Variants in MOK observed in about 807,000 individuals in gnomAD.
The protein encoded by MOK is MOK protein kinase, also known as MAPK/MAK/MRK overlapping kinase.
Under a neutral mutation model 54.2 loss-of-function variants are expected in MOK, and 59 were observed. The observed-to-expected ratio is 1.09, with a 90% CI of 0.88 to 1.35. The LOEUF is 1.35. Ranked by LOEUF, MOK falls within the 40% of genes most tolerant of loss-of-function variation. The probability of loss-of-function intolerance (pLI) is 0.00; values close to 1 mark genes in which losing one functional copy is unlikely to be tolerated. For synonymous variants in MOK, 210 were observed against 202.7 expected (o/e 1.04, Z -0.31); for missense variants, 517 against 526.2 (o/e 0.98, Z 0.17).
intron 7 of MOK, among the ~76,000 whole-genome samples, chr14:102,239,638 A>C (rs1445392323): frequency 6.6e-6 from 1 of 152,218 alleles, no homozygotes; most frequent in African/African-American, 2.4e-5. Context: ...TGGGAGGCCA[A>C]GCCTGGTGAA....
chr14:102,253,593 G>C (rs923453919), intron 4 of MOK, among the ~76,000 whole-genome samples: 4 of 152,160 alleles, frequency 2.6e-5, no homozygotes, highest in Non-Finnish European at 4.4e-5. Context: ...GCCGTTTAGC[G>C]TGGCTGGCAC....
intron 7 of MOK, among the ~76,000 whole-genome samples, chr14:102,242,727 G>A (rs2065813631): frequency 1.3e-5 from 2 of 152,122 alleles, no homozygotes; most frequent in Admixed American, 1.3e-4. Flanking sequence ...AACCGGACAA[G>A]TCTTACAAGT....
chr14:102,232,112 C>T lies in MOK; in HGVS notation c.867-291G>A, dbSNP rs2064783090. On this transcript the variant is annotated intron_variant, in intron 9 of 11. Coordinates refer to ENST00000361847, the MANE Select transcript of MOK (RefSeq NM_014226.3). The surrounding 1 kb of genome is among the most constrained non-coding windows in gnomAD (Gnocchi z 5.1). ...AGGCAAACAGGAGTGTCCAGAGGTC[C>T]GGAATTAGGTGACCTCAGGGCAGAC... is the stretch of plus-strand genomic sequence containing the variant. 2 of 384,372 alleles carry T rather than the reference C, an allele frequency of 5.2e-6. No homozygotes were observed. The highest frequency in any genetic ancestry group is 6.3e-5 in the South Asian group (1 of 15,808). 23.8% of individuals were successfully genotyped at this position (384,372 alleles called of 1,614,324 possible). A position where few individuals can be genotyped will look rare whatever the true frequency, so the allele number is the denominator to read the frequency against.
intron 1 of MOK, among the ~76,000 whole-genome samples, chr14:102,295,953 T>C (rs952045806): frequency 4.6e-5 from 7 of 152,086 alleles, no homozygotes; most frequent in Admixed American, 2.0e-4. Flanking sequence ...CTGGTCAACA[T>C]AGCAACACCT....
chr14:102,248,777 C>CA (rs1228394075), intron 7 of MOK, among the ~76,000 whole-genome samples: 6,673 of 48,212 alleles, frequency 0.14, 324 homozygotes, highest in Non-Finnish European at 0.17. Context: ...GACTCCGTCT[C>CA]AAAAAAAAAA....
chr14:102,300,307 G>A lies in MOK; in HGVS notation c.7+4655C>T, dbSNP rs550098621. On this transcript the variant is annotated intron_variant, in intron 1 of 11. Transcript: ENST00000361847. ...CCATTGGACTCCAGCCTAGGCAACA[G>A]GGCAAAACTCTATCTCAAAAAAAAA... is the stretch of plus-strand genomic sequence containing the variant. Among the ~76,000 whole-genome samples the A allele has an allele frequency of 2.0e-4, 29 of 143,494 alleles. No homozygotes were observed. In the South Asian group the frequency reaches 5.7e-3, roughly 28 times the overall value. 94.1% of individuals were successfully genotyped at this position (143,494 alleles called of 152,430 possible).
In MOK at chr14:102,239,216, G is replaced by A. The variant is rs372541264; in HGVS notation, c.591-5427C>T. The stretch of plus-strand genomic sequence containing the variant: ...TCGACCCCAATCATCAGGAAAAGTC[G>A]AAAGGGCAAATGGAAACCTTAACAC... On this transcript the variant is annotated intron_variant, in intron 7 of 11. Coordinates refer to ENST00000361847, the MANE Select transcript of MOK (RefSeq NM_014226.3). Among the ~76,000 whole-genome samples the A allele has an allele frequency of 7.9e-5, 12 of 152,164 alleles. 1 individual carries two copies. Among genetic ancestry groups the A allele is most frequent in the East Asian group, 1.9e-4 (1 of 5,184 alleles).
At chr14:102,226,399 G>A (rs764313985), downstream of MOK, 4 of 703,096 alleles carry the variant, frequency 5.7e-6, no homozygotes, top group Non-Finnish European at 7.8e-6. The surrounding 1 kb of genome is among the most constrained non-coding windows in gnomAD (Gnocchi z 4.8). Context: ...CCTCGCTTCC[G>A]TTCTGGGTTC....
chr14:102,242,094 C>G (rs1053001224), intron 7 of MOK, among the ~76,000 whole-genome samples: 11 of 152,284 alleles, frequency 7.2e-5, no homozygotes, highest in Middle Eastern at 3.4e-3. Context: ...TTGGCTTTAG[C>G]GGCTGAAGAC....
chr14:102,261,570 G>A (rs759690313), intron 4 of MOK, among the ~76,000 whole-genome samples: 5 of 149,246 alleles, frequency 3.4e-5, no homozygotes, highest in Non-Finnish European at 3.0e-5. Context: ...GTCTCACTGC[G>A]ATGTCCAGGC....
At chr14:102,281,425 G>A (rs552917820) in intron 2 of MOK, among the ~76,000 whole-genome samples, 84 of 150,464 alleles carry the variant, frequency 5.6e-4, no homozygotes, top group African/African-American at 2.0e-3. Context: ...CTTGAGCCCT[G>A]GAAGCAGAGG....
intron 7 of MOK, among the ~76,000 whole-genome samples, chr14:102,239,521 C>T (rs1053750459): frequency 3.3e-5 from 5 of 150,532 alleles, no homozygotes; most frequent in African/African-American, 1.2e-4. Flanking sequence ...CCTCCCAATA[C>T]CACATAAAGG....
At chr14:102,277,015 T>C (rs963452302) in intron 2 of MOK, among the ~76,000 whole-genome samples, 6 of 144,926 alleles carry the variant, frequency 4.1e-5, no homozygotes, top group Admixed American at 2.8e-4. Flanking sequence ...GCCCTGGTCT[T>C]TTTTTTTTTT....
In MOK at chr14:102,250,929, T is replaced by TAC; in HGVS notation, c.471_472dup (p.Tyr158CysfsTer49). ...CCAGCGGGTGGAGATGTATTCCGTG[T>TAC]ACGGCTGCTTGGAATAGACACTCCG... On this transcript the variant is annotated frameshift_variant, in exon 7 of 12. Transcript: ENST00000361847. LOFTEE classifies it high-confidence loss of function. 1 of 1,614,122 alleles carries TAC rather than the reference T, an allele frequency of 6.2e-7. No homozygotes were observed. The highest frequency in any genetic ancestry group is 8.5e-7 in the Non-Finnish European group (1 of 1,180,026).
intron 7 of MOK, chr14:102,234,000 G>A (rs904935180): frequency 1.2e-5 from 6 of 516,840 alleles, no homozygotes; most frequent in African/African-American, 3.9e-5. Flanking sequence ...AACAACCCCG[G>A]GATGTGACCA....
At chr14:102,287,106 C>T (rs1478425404) in intron 1 of MOK, among the ~76,000 whole-genome samples, 3 of 152,136 alleles carry the variant, frequency 2.0e-5, no homozygotes, top group Admixed American at 6.6e-5. Context: ...ACTAAATACT[C>T]CTCCCCCAGA....
At chr14:102,227,810 C>G (rs962549266), downstream of MOK, among the ~76,000 whole-genome samples, 9 of 152,206 alleles carry the variant, frequency 5.9e-5, no homozygotes, top group Non-Finnish European at 1.5e-5. Context: ...CCTGCGGCCC[C>G]GCTGTCGTGT....
chr14:102,278,067 A>C (rs1275000628), intron 2 of MOK, among the ~76,000 whole-genome samples: 2 of 152,218 alleles, frequency 1.3e-5, no homozygotes, highest in East Asian at 3.9e-4. Flanking sequence ...TCTCTCTGCT[A>C]TCTGTCATTT....
chr14:102,251,892 A>C (rs755218607), intron 5 of MOK, 25 bp downstream of exon 5: 1 of 1,556,778 alleles, frequency 6.4e-7, no homozygotes, highest in South Asian at 1.1e-5. Context: ...TTAATTTCAG[A>C]GCTGTCAAAT....
Sources: gnomAD v4.1 joint callset for allele counts (sites outside exome capture counted in the v4.1 genomes callset) on GRCh38, gnomAD v4.1.1 for gene constraint, Gnocchi (gnomAD v3.1) non-coding constraint, MANE v1.5 for transcripts, NCBI Gene and HGNC (gene_info 2026-07-23, HGNC 2026-07-21) for gene names.